The following MYL6B variants were observed in gnomAD, a reference collection of about 807,000 sequenced individuals.
MYL6B encodes myosin alkali light chain 1 slow a.
A neutral mutation model predicts 24.5 loss-of-function variants in MYL6B; 19 were observed. The observed-to-expected ratio is 0.78, with a 90% confidence interval of 0.54 to 1.14. MYL6B has a LOEUF of 1.14. MYL6B is among the 50% of genes most tolerant of loss of function. The pLI is 0.00. For synonymous variants in MYL6B, 90 were observed against 100.7 expected, an observed-to-expected ratio of 0.89 and a Z score of 0.64; for missense variants, 230 against 263.8, an observed-to-expected ratio of 0.87 and a Z score of 0.89.
intron 4 of MYL6B, 68 bp downstream of exon 4, chr12:56,155,266 A>G: frequency 6.4e-7 from 1 of 1,559,310 alleles, no homozygotes; most frequent in Non-Finnish European, 8.7e-7. Flanking sequence ...AACAAAAAGA[A>G]TGAGGTGGAT....
rs767576205 is a variant in MYL6B at position 56,155,606 on chromosome 12, G to A, written c.520+14G>A. 6.2e-7 allele frequency: 1 copy of A among 1,611,964 alleles called. No homozygotes were observed. The highest frequency in any genetic ancestry group is 1.7e-5 in the Admixed American group (1 of 59,854). On this transcript the variant is annotated intron_variant, in intron 5 of 6. Coordinates refer to ENST00000553066, the Ensembl canonical transcript of MYL6B. ...TCACCACCCTTGGTGAGGCAGGCAA[G>A]GGGGACCAGAACTCCTTTAGAGTGG...
chr12:56,157,873 T>C lies in MYL6B; in HGVS notation c.*147T>C, dbSNP rs1871404573. The C allele has an allele frequency of 2.1e-6, 2 of 952,580 alleles. No individual in the cohort carries two copies. The highest frequency in any genetic ancestry group is 1.6e-6 in the Non-Finnish European group (1 of 641,018). The allele number at this position is 952,580 out of a possible 1,614,324, so 59.0% of individuals were successfully genotyped here. On this transcript the variant is annotated 3_prime_UTR_variant, in exon 7 of 7. Coordinates refer to ENST00000553066, the Ensembl canonical transcript of MYL6B. ...TCCAGCGCTTCGCAACTTTGGTTTT[T>C]TTCCACAGATCCAGTGGGGTCCGGA...
At chr12:56,153,016 GC>G (rs1173206874) in intron 1 of MYL6B, among the ~76,000 whole-genome samples, 1 of 152,044 alleles carries the variant, frequency 6.6e-6, no homozygotes, top group Non-Finnish European at 1.5e-5. Flanking sequence ...TACTCATGGA[GC>G]CATAGGAGCG....
chr12:56,154,001 G>T, exon 2 of MYL6B: 1 of 1,614,060 alleles, frequency 6.2e-7, no homozygotes. Context: ...GCAGCAGCAG[G>T]GGCTCCTCCA....
At chr12:56,156,639 A>G (rs1464133962) in intron 5 of MYL6B, among the ~76,000 whole-genome samples, 1 of 149,880 alleles carries the variant, frequency 6.7e-6, no homozygotes, top group Non-Finnish European at 1.5e-5. Context: ...GGCCGGGAGC[A>G]GTGGCTCACT....
chr12:56,155,373 A>G (rs759871811), intron 4 of MYL6B, 46 bp from the exon 5 acceptor site: 45 of 1,613,394 alleles, frequency 2.8e-5, no homozygotes, highest in Non-Finnish European at 3.5e-5. Context: ...GCTGGGTCCT[A>G]TGTAATACTA....
At chr12:56,157,491 G>C (rs769120799) in exon 6 of MYL6B, 1 of 1,614,016 alleles carries the variant, frequency 6.2e-7, no homozygotes, top group African/African-American at 1.3e-5. Context: ...TGAGGAGGAG[G>C]TGGAGACCGT....
chr12:56,156,669 G>C (rs1249120526), intron 5 of MYL6B, among the ~76,000 whole-genome samples: 2 of 151,994 alleles, frequency 1.3e-5, no homozygotes, highest in Non-Finnish European at 1.5e-5. Flanking sequence ...CTAGCACTTT[G>C]GGAGGCCAAG....
In MYL6B at chr12:56,157,607, G is replaced by T. The variant is rs1051218985; in HGVS notation, c.598+62G>T. The T allele has an allele frequency of 2.6e-5, 42 of 1,612,960 alleles. No homozygotes were observed. In the South Asian group the frequency reaches 4.1e-4, roughly 16 times the overall value. ...GGAGGGCAGCCTGGCGTCTTGCCGC[G>T]TGTGGGCGGGGGCACCCCTGGATTA... On this transcript the variant is annotated intron_variant, in intron 6 of 6. Coordinates refer to ENST00000553066, the Ensembl canonical transcript of MYL6B.
rs1262741254 is a variant in MYL6B, at chr12:56,154,818, GT to G, written c.183del (p.Phe61LeufsTer32). 3.1e-6 allele frequency: 5 copies of G among 1,613,242 alleles called. No homozygotes were observed. The highest frequency in any genetic ancestry group is 3.3e-5 in the Admixed American group (2 of 59,886). ...CCTGCTTTTTTCTTCCACAGATCGA[GT>G]TTAACAAGGACCAGCTGGAGGGTGA... On this transcript the variant is annotated frameshift_variant, in exon 3 of 7. Transcript: ENST00000553066. LOFTEE classifies it high-confidence loss of function.
intron 4 of MYL6B, 110 bp from the exon 5 acceptor site, chr12:56,155,309 C>G: frequency 6.4e-7 from 1 of 1,567,884 alleles, no homozygotes; most frequent in Non-Finnish European, 8.6e-7. Flanking sequence ...AACACAGAAG[C>G]AGGAAAATAT....
At chr12:56,153,713 G>T in intron 1 of MYL6B, 160 bp from the exon 2 acceptor site, 1 of 532,164 alleles carries the variant, frequency 1.9e-6, no homozygotes, top group Non-Finnish European at 3.2e-6. Context: ...AGGGGACAGA[G>T]GGAAGAAGAC....
At chr12:56,154,916 C>G (rs1871248254) in intron 3 of MYL6B, 76 bp downstream of exon 3, 2 of 1,577,870 alleles carry the variant, frequency 1.3e-6, no homozygotes, top group Non-Finnish European at 8.6e-7. Flanking sequence ...TCCCCTAACC[C>G]CAGTCCTGAC....
At chr12:56,157,240 C>A in intron 5 of MYL6B, 1 of 488,942 alleles carries the variant, frequency 2.0e-6, no homozygotes, top group Non-Finnish European at 3.7e-6. Context: ...ACCAAAAATA[C>A]AAAAAATTAG....
intron 1 of MYL6B, 67 bp from the exon 2 acceptor site, chr12:56,153,806 C>T (rs1592255697): frequency 4.4e-6 from 5 of 1,147,430 alleles, no homozygotes; most frequent in Admixed American, 2.7e-5. Context: ...ATCTTTGCCA[C>T]AGCCAACTGG....
intron 1 of MYL6B, chr12:56,153,524 C>T: frequency 1.0e-6 from 1 of 974,218 alleles, no homozygotes; most frequent in Non-Finnish European, 1.2e-6. Flanking sequence ...CTCACCCCAC[C>T]CTTCAAGAAG....
At chr12:56,154,896 CTCTT>C in intron 3 of MYL6B, 56 bp downstream of exon 3, 2 of 1,593,530 alleles carry the variant, frequency 1.3e-6, no homozygotes, top group East Asian at 2.2e-5. Context: ...TGGTCAGATT[CTCTT>C]TCTATTCCCC....
In MYL6B at chr12:56,152,635, A is replaced by C. The variant is rs1218432294; in HGVS notation, c.-47+4A>C. ...CCCCAGACACGGACCCCGCAGGGTG[A>C]GTTTTTGGGGGCTGAGGAGGGCCAT... On this transcript the variant is annotated splice_donor_region_variant and intron_variant, in intron 1 of 6. Transcript: ENST00000553066. The C allele has an allele frequency of 6.6e-6, 1 of 151,604 alleles. No individual in the cohort carries two copies. Among genetic ancestry groups the C allele is most frequent in the African/African-American group, 2.4e-5 (1 of 41,126 alleles). The allele number at this position is 151,604 out of a possible 1,614,324, so 9.4% of individuals were successfully genotyped here.
chr12:56,153,334 G>A, intron 1 of MYL6B: 2 of 720,830 alleles, frequency 2.8e-6, no homozygotes, highest in Non-Finnish European at 3.4e-6. Context: ...CTGGGTGGGG[G>A]CTCAGGAACT....
Sources: allele counts gnomAD v4.1 joint callset (sites outside exome capture counted in the v4.1 genomes callset), GRCh38; gene constraint gnomAD v4.1.1; transcripts MANE v1.5; gene names NCBI Gene and HGNC (gene_info 2026-07-23, HGNC 2026-07-21).